METTL4: variants seen among roughly 807,000 people sequenced by gnomAD.
The protein encoded by METTL4 is N(6)-adenine-specific methyltransferase METTL4.
In METTL4, 40 loss-of-function variants were observed where a neutral mutation model predicts 54.0. The observed-to-expected ratio is 0.74, with a 90% CI of 0.58 to 0.96. METTL4 has a LOEUF of 0.96. Ranked by LOEUF, METTL4 falls within the 50% of genes least tolerant of loss-of-function variation. The pLI is 0.00. For missense variants in METTL4, 525 were observed against 549.0 expected (o/e 0.96, Z 0.44); for synonymous variants, 169 against 183.8 (o/e 0.92, Z 0.65).
chr18:2,554,369 A>G (rs2072205137), intron 4 of METTL4: 1 of 117,242 alleles, frequency 8.5e-6, no homozygotes, highest in Non-Finnish European at 1.3e-5. Flanking sequence ...TATGAAAAAA[A>G]GTTAAAAAAA....
chr18:2,539,575 G>A (rs181356657), intron 8 of METTL4, among the ~76,000 whole-genome samples: 27 of 150,270 alleles, frequency 1.8e-4, no homozygotes, highest in African/African-American at 6.3e-4. Flanking sequence ...TCCACCTCCC[G>A]AGTTCAAGCA....
chr18:2,569,870 G>A (rs1300805904), intron 1 of METTL4, among the ~76,000 whole-genome samples: 1 of 152,172 alleles, frequency 6.6e-6, no homozygotes, highest in Non-Finnish European at 1.5e-5. Context: ...GGTAAGGTTG[G>A]AAGAACATTT....
At chr18:2,563,663 T>A (rs1598355406) in intron 3 of METTL4, 134 bp downstream of exon 3, 34 of 314,164 alleles carry the variant, frequency 1.1e-4, no homozygotes, top group East Asian at 1.5e-4. Flanking sequence ...AAATTAACAA[T>A]AAATATATTA....
In METTL4 at chr18:2,537,807, G is replaced by A. The variant is rs1053997604; in HGVS notation, c.*1193C>T. 8 of 398,218 alleles carry A rather than the reference G, an allele frequency of 2.0e-5. No individual in the cohort carries two copies. The highest frequency in any genetic ancestry group is 2.7e-5 in the Non-Finnish European group (6 of 225,944). The allele number at this position is 398,218 out of a possible 1,614,324, so 24.7% of individuals were successfully genotyped here. A position where few individuals can be genotyped will look rare whatever the true frequency, so the allele number is the denominator to read the frequency against. ...TCAAAATGCTACGTGAAAGAAGCCA[G>A]GCACAATAGATTACACATTGCATGA... On this transcript the variant is annotated 3_prime_UTR_variant, in exon 9 of 9. Coordinates refer to ENST00000574538, the MANE Select transcript of METTL4 (RefSeq NM_022840.5).
At chr18:2,555,293 T>A (rs558954943) in intron 3 of METTL4, 62 of 438,618 alleles carry the variant, frequency 1.4e-4, no homozygotes, top group Middle Eastern at 1.3e-3. Flanking sequence ...TCCTCAAACA[T>A]GTATAAGGTA....
At chr18:2,554,604 G>A (rs2072209083) in intron 4 of METTL4, 65 bp downstream of exon 4, 1 of 1,453,340 alleles carries the variant, frequency 6.9e-7, no homozygotes, top group Non-Finnish European at 9.4e-7. Flanking sequence ...TTTCAGACTA[G>A]CTCTTAACTT....
In METTL4 at chr18:2,545,300, T is replaced by C. The variant is rs74449856; in HGVS notation, c.1075-541A>G. On this transcript the variant is annotated intron_variant, in intron 6 of 8. Transcript: ENST00000574538. ...GGAAACCATGTCATCAGTAATTTAT[T>C]AGTTCATGCAAATAAACTAATAAAT... is the stretch of plus-strand genomic sequence containing the variant. Among the ~76,000 whole-genome samples, 1,598 of 152,266 alleles carry C rather than the reference T, an allele frequency of 0.01. 78 individuals carry two copies. The East Asian group carries it at 0.14, about 13-fold the overall frequency.
At chr18:2,551,946 G>A (rs1297156564) in intron 5 of METTL4, among the ~76,000 whole-genome samples, 1 of 152,154 alleles carries the variant, frequency 6.6e-6, no homozygotes, top group Admixed American at 6.5e-5. Context: ...TGTAATCCCA[G>A]CACTTTGGGA....
intron 5 of METTL4, 81 bp downstream of exon 5, chr18:2,552,609 ATAAAG>A (rs1405273339): frequency 4.0e-5 from 34 of 853,170 alleles, no homozygotes; most frequent in Non-Finnish European, 5.4e-5. Flanking sequence ...AATCTATATC[ATAAAG>A]TAATGTCAAT....
intron 4 of METTL4, chr18:2,553,695 T>A (rs1433635433): frequency 6.6e-6 from 1 of 152,142 alleles, no homozygotes; most frequent in East Asian, 1.9e-4. Context: ...AGCTGTCCTT[T>A]CTCCCCCTTT....
At chr18:2,566,051 AAAT>A (rs1567982917) in intron 2 of METTL4, among the ~76,000 whole-genome samples, 1,449 of 5,234 alleles carry the variant, frequency 0.28, 72 homozygotes, top group African/African-American at 0.29. Flanking sequence ...TGTCTCAAAT[AAAT>A]AAATAAATAA....
intron 5 of METTL4, 142 bp from the exon 6 acceptor site, chr18:2,547,671 G>GGGTGTCACTGTGGCTT: frequency 1.8e-6 from 1 of 547,378 alleles, no homozygotes; most frequent in Non-Finnish European, 3.0e-6. Flanking sequence ...TAAAGCCACA[G>GGGTGTCACTGTGGCTT]TGACACCCAG....
At chr18:2,564,595 A>G (rs1269177698) in intron 2 of METTL4, among the ~76,000 whole-genome samples, 1 of 152,258 alleles carries the variant, frequency 6.6e-6, no homozygotes, top group East Asian at 1.9e-4. Context: ...ATATCTAACA[A>G]TATAGAGTAA....
chr18:2,550,844 C>T (rs2072143348), intron 5 of METTL4, among the ~76,000 whole-genome samples: 1 of 152,180 alleles, frequency 6.6e-6, no homozygotes, highest in Admixed American at 6.5e-5. Flanking sequence ...TGAATAATGT[C>T]TGTACATAAT....
At chr18:2,564,045 T>A (rs2677863) in intron 2 of METTL4, among the ~76,000 whole-genome samples, 186 bp from the exon 3 acceptor site, 1 of 151,932 alleles carries the variant, frequency 6.6e-6, no homozygotes, top group Non-Finnish European at 1.5e-5. Flanking sequence ...CCAAAGTAAA[T>A]TAAAAACAAC....
At chr18:2,548,194 C>T (rs1173910205) in intron 5 of METTL4, among the ~76,000 whole-genome samples, 1 of 152,140 alleles carries the variant, frequency 6.6e-6, no homozygotes, top group African/African-American at 2.4e-5. Flanking sequence ...AATCTATAAT[C>T]TTGTACCTCC....
chr18:2,550,859 C>A (rs9949044), intron 5 of METTL4, among the ~76,000 whole-genome samples: 11,541 of 152,088 alleles, frequency 0.076, 802 homozygotes, highest in African/African-American at 0.18. Flanking sequence ...CATAATAGTG[C>A]CAAATCAATA....
intron 5 of METTL4, among the ~76,000 whole-genome samples, chr18:2,548,897 G>C (rs760727689): frequency 7.2e-5 from 11 of 152,098 alleles, no homozygotes; most frequent in Non-Finnish European, 1.3e-4. Flanking sequence ...TATTCCACTT[G>C]TTTGTATAGG....
chr18:2,551,163 C>CAAA lies in METTL4; in HGVS notation c.899+1529_899+1531dup, dbSNP rs752257490. 2.2e-3 allele frequency among the ~76,000 whole-genome samples: 106 copies of CAAA among 48,664 alleles called. 1 individual carries two copies. The highest frequency in any genetic ancestry group is 2.9e-3 in the African/African-American group (39 of 13,672). 31.9% of individuals were successfully genotyped at this position (48,664 alleles called of 152,430 possible). A position where few individuals can be genotyped will look rare whatever the true frequency, so the allele number is the denominator to read the frequency against. On this transcript the variant is annotated intron_variant, in intron 5 of 8. Transcript: ENST00000574538. ...TGGGCGACAGAACGAGACTCCGTCT[C>CAAA]AAAAAAAAAAAAAAAAAAAAAAGAA...
Sources: allele counts gnomAD v4.1 joint callset (sites outside exome capture counted in the v4.1 genomes callset), GRCh38; gene constraint gnomAD v4.1.1; transcripts MANE v1.5; gene names NCBI Gene and HGNC (gene_info 2026-07-23, HGNC 2026-07-21).